PIGK: variants seen among roughly 807,000 people sequenced by gnomAD.
PIGK encodes the protein GPI-anchor transamidase.
In PIGK, 42 loss-of-function variants were observed where a neutral mutation model predicts 50.6. The ratio of observed to expected loss-of-function variants is 0.83; its 90% CI spans 0.65 to 1.07. PIGK has a LOEUF of 1.07. PIGK is among the 50% of genes least tolerant of loss of function. PIGK has a pLI of 0.00. For synonymous variants in PIGK, 151 were observed against 156.0 expected, an observed-to-expected ratio of 0.97 and a Z score of 0.24; for missense variants, 448 against 488.7, an observed-to-expected ratio of 0.92 and a Z score of 0.78.
chr1:77,158,806 C>G (rs1356518999), intron 8 of PIGK, among the ~76,000 whole-genome samples: 1 of 152,078 alleles, frequency 6.6e-6, no homozygotes, highest in African/African-American at 2.4e-5. Flanking sequence ...TTTATGTATT[C>G]ATGAAGATAT....
rs749423746 is a variant in PIGK at position 77,130,297 on chromosome 1, CAAAAAAAAAAAAAAAAA to C, written c.987-7955_987-7939del. Among the ~76,000 whole-genome samples, 71 of 41,502 alleles carry C rather than the reference CAAAAAAAAAAAAAAAAA, an allele frequency of 1.7e-3. 1 individual carries two copies. The East Asian group carries it at 0.025, about 14-fold the overall frequency. The allele number at this position is 41,502 out of a possible 152,430, so 27.2% of individuals were successfully genotyped here. On this transcript the variant is annotated intron_variant, in intron 9 of 10. Transcript: ENST00000370812. ...TGTGACACCTTTCCCTACTCCTAAG[CAAAAAAAAAAAAAAAAA>C]AAAAAAAAAAAAGACATTCTGCAAT...
chr1:77,152,987 A>G (rs1654926177), intron 9 of PIGK, among the ~76,000 whole-genome samples: 1 of 152,158 alleles, frequency 6.6e-6, no homozygotes, highest in Non-Finnish European at 1.5e-5. Context: ...TAAAACTACC[A>G]TATGATCCAG....
At chr1:77,191,343 C>T (rs2100576096) in intron 3 of PIGK, among the ~76,000 whole-genome samples, 1 of 152,282 alleles carries the variant, frequency 6.6e-6, no homozygotes, top group East Asian at 1.9e-4. Flanking sequence ...TTCTCACGTT[C>T]AACAGAAATT....
At chr1:77,122,976 A>G (rs192777387) in intron 9 of PIGK, among the ~76,000 whole-genome samples, 6 of 152,300 alleles carry the variant, frequency 3.9e-5, no homozygotes, top group Admixed American at 2.0e-4. Context: ...ATTTATCAAA[A>G]AGACTCAAAT....
chr1:77,166,233 TGAG>T (rs751387777), intron 5 of PIGK, among the ~76,000 whole-genome samples: 15 of 152,198 alleles, frequency 9.9e-5, no homozygotes, highest in Non-Finnish European at 1.8e-4. Flanking sequence ...ATCTCATATC[TGAG>T]GAGTATATCC....
intron 3 of PIGK, among the ~76,000 whole-genome samples, chr1:77,171,280 C>CA (rs1422719296): frequency 3.3e-5 from 5 of 150,662 alleles, no homozygotes; most frequent in Non-Finnish European, 5.9e-5. Flanking sequence ...ACTAAAAATA[C>CA]AAAAAAATTA....
chr1:77,115,439 ATT>A (rs780461984), intron 10 of PIGK, among the ~76,000 whole-genome samples: 7 of 144,240 alleles, frequency 4.9e-5, no homozygotes, highest in Admixed American at 2.1e-4. Flanking sequence ...AGGTGAGGGC[ATT>A]TTTTTTTTTT....
At chr1:77,152,560 A>C (rs772618616) in intron 9 of PIGK, among the ~76,000 whole-genome samples, 1 of 152,128 alleles carries the variant, frequency 6.6e-6, no homozygotes, top group Non-Finnish European at 1.5e-5. Context: ...TAAGGTGAAG[A>C]GACAACGTAC....
At chr1:77,166,453 T>C (rs1334940242) in intron 5 of PIGK, among the ~76,000 whole-genome samples, 1 of 152,100 alleles carries the variant, frequency 6.6e-6, no homozygotes, top group Non-Finnish European at 1.5e-5. Context: ...AACTGAAGGA[T>C]GCTGTAGCAG....
chr1:77,209,569 A>G (rs1656368386), intron 2 of PIGK, among the ~76,000 whole-genome samples: 1 of 152,164 alleles, frequency 6.6e-6, no homozygotes, highest in Non-Finnish European at 1.5e-5. Flanking sequence ...ATGACTTCAC[A>G]TTCTTACACT....
At chr1:77,148,783 C>T (rs997412612) in intron 9 of PIGK, among the ~76,000 whole-genome samples, 1 of 151,578 alleles carries the variant, frequency 6.6e-6, no homozygotes, top group Admixed American at 6.6e-5. Flanking sequence ...GGCGCGATCT[C>T]GGCTTACTGC....
chr1:77,161,759 A>G, intron 6 of PIGK, 48 bp from the exon 7 acceptor site: 1 of 786,524 alleles, frequency 1.3e-6, no homozygotes. Context: ...GCTGTAAATC[A>G]TACACTAATA....
intron 10 of PIGK, among the ~76,000 whole-genome samples, chr1:77,121,109 A>T (rs1654085807): frequency 2.0e-5 from 3 of 152,180 alleles, no homozygotes; most frequent in Non-Finnish European, 4.4e-5. Flanking sequence ...ACCAATTCTG[A>T]GCAAACCACA....
chr1:77,165,778 ATATCTT>A (rs1055626432), intron 5 of PIGK, among the ~76,000 whole-genome samples: 12 of 152,284 alleles, frequency 7.9e-5, no homozygotes, highest in Admixed American at 2.6e-4. Flanking sequence ...GAGAAGAGAA[ATATCTT>A]TAGATAAGAA....
At chr1:77,191,420 T>C (rs1002981505) in intron 3 of PIGK, among the ~76,000 whole-genome samples, 6 of 152,214 alleles carry the variant, frequency 3.9e-5, no homozygotes, top group African/African-American at 1.2e-4. Flanking sequence ...TAAGCTACTA[T>C]AATAAAAGTA....
At chr1:77,110,253 A>G (rs1349159428) in intron 10 of PIGK, among the ~76,000 whole-genome samples, 1 of 152,178 alleles carries the variant, frequency 6.6e-6, no homozygotes, top group African/African-American at 2.4e-5. Context: ...GAATTGGAAA[A>G]AACTACTTTA....
intron 5 of PIGK, among the ~76,000 whole-genome samples, chr1:77,164,921 C>T (rs914027291): frequency 2.0e-5 from 3 of 152,048 alleles, no homozygotes; most frequent in Non-Finnish European, 4.4e-5. Flanking sequence ...TAATTATCAA[C>T]GTTTTTATTC....
At chr1:77,191,566 T>C (rs779404658) in intron 3 of PIGK, among the ~76,000 whole-genome samples, 8 of 152,228 alleles carry the variant, frequency 5.3e-5, no homozygotes, top group Non-Finnish European at 1.0e-4. Flanking sequence ...CAAACATCAC[T>C]AATATGCCTT....
intron 8 of PIGK, among the ~76,000 whole-genome samples, chr1:77,157,895 C>T (rs1038114589): frequency 1.3e-5 from 2 of 152,204 alleles, no homozygotes; most frequent in African/African-American, 4.8e-5. Context: ...TGCACATGCT[C>T]TCTTGACTGC....
Sources: gnomAD v4.1 joint callset for allele counts (sites outside exome capture counted in the v4.1 genomes callset) on GRCh38, gnomAD v4.1.1 for gene constraint, MANE v1.5 for transcripts, NCBI Gene and HGNC (gene_info 2026-07-23, HGNC 2026-07-21) for gene names.